Variants in SLC12A8 observed in about 807,000 individuals in gnomAD.
SLC12A8 encodes the protein solute carrier family 12 member 8, also known as cation-chloride cotransporter 9.
Under a neutral mutation model 75.6 loss-of-function variants are expected in SLC12A8, and 69 were observed. The observed-to-expected ratio is 0.91, with a 90% CI of 0.75 to 1.11. SLC12A8 has a LOEUF of 1.11. Among genes scored for constraint, SLC12A8 ranks in the 50% most tolerant of loss-of-function variants. The pLI is 0.00. For synonymous variants in SLC12A8, 365 were observed against 372.8 expected (o/e 0.98, Z 0.24); for missense variants, 877 against 896.7 (o/e 0.98, Z 0.28).
chr3:125,131,827 T>A (rs533295560), intron 6 of SLC12A8, among the ~76,000 whole-genome samples: 2 of 152,202 alleles, frequency 1.3e-5, no homozygotes, highest in African/African-American at 4.8e-5. Context: ...AGATTGGTTC[T>A]GGAGTCGGGG....
intron 10 of SLC12A8, among the ~76,000 whole-genome samples, chr3:125,098,977 A>C (rs1938792115): frequency 1.3e-5 from 2 of 152,216 alleles, no homozygotes; most frequent in South Asian, 4.1e-4. Flanking sequence ...AGCACCATAG[A>C]AAGACTAGAT....
chr3:125,153,078 C>T (rs893568874), intron 5 of SLC12A8, among the ~76,000 whole-genome samples: 1 of 152,188 alleles, frequency 6.6e-6, no homozygotes, highest in Non-Finnish European at 1.5e-5. Context: ...CATTCTCCTG[C>T]AACTCTCATC....
chr3:125,212,499 C>A (rs1560088965), intron 1 of SLC12A8, among the ~76,000 whole-genome samples: 1 of 152,162 alleles, frequency 6.6e-6, no homozygotes, highest in Non-Finnish European at 1.5e-5. Flanking sequence ...CCTTGGCACC[C>A]CACGCAGACG....
intron 6 of SLC12A8, among the ~76,000 whole-genome samples, chr3:125,132,999 G>A (rs534714354): frequency 3.3e-5 from 5 of 152,136 alleles, no homozygotes; most frequent in African/African-American, 4.8e-5. Context: ...AAAAATGCAC[G>A]CTGCATTTAG....
chr3:125,207,171 CG>C (rs893845209), intron 2 of SLC12A8, among the ~76,000 whole-genome samples: 9 of 152,268 alleles, frequency 5.9e-5, no homozygotes, highest in African/African-American at 2.2e-4. Flanking sequence ...ATGGTTCTGA[CG>C]GGGAGCCTGC....
chr3:125,136,838 G>C (rs116292890), intron 5 of SLC12A8, among the ~76,000 whole-genome samples: 1 of 152,334 alleles, frequency 6.6e-6, no homozygotes, highest in African/African-American at 2.4e-5. Flanking sequence ...AACAGCATCT[G>C]TGAACATGCT....
At chr3:125,190,329 T>C (rs756498666) in intron 3 of SLC12A8, 46 bp downstream of exon 3, 14 of 1,605,030 alleles carry the variant, frequency 8.7e-6, no homozygotes, top group Non-Finnish European at 1.2e-5. Context: ...AGAGCTTTCC[T>C]GTCTTGGGCC....
At chr3:125,196,089 T>C (rs537285779) in intron 2 of SLC12A8, among the ~76,000 whole-genome samples, 1 of 152,360 alleles carries the variant, frequency 6.6e-6, no homozygotes, top group African/African-American at 2.4e-5. Flanking sequence ...AATTCTTATG[T>C]AGTGAGTAGA....
chr3:125,209,780 G>A (rs593358), intron 2 of SLC12A8, among the ~76,000 whole-genome samples: 97,729 of 152,198 alleles, frequency 0.64, 33,434 homozygotes, highest in African/African-American at 0.89. Context: ...GCCAAGATGA[G>A]GAGTCTGAGC....
intron 2 of SLC12A8, among the ~76,000 whole-genome samples, chr3:125,210,983 TA>T: frequency 6.7e-6 from 1 of 149,360 alleles, no homozygotes; most frequent in South Asian, 2.2e-4. Context: ...GATTCAGAAT[TA>T]AAATGAGTTC....
intron 6 of SLC12A8, among the ~76,000 whole-genome samples, chr3:125,129,955 T>C (rs900735789): frequency 2.0e-5 from 3 of 152,050 alleles, no homozygotes; most frequent in Admixed American, 2.0e-4. Flanking sequence ...CTCTGTCGGG[T>C]CCTTCATAAG....
At chr3:125,165,189 C>T (rs1036759082) in intron 5 of SLC12A8, among the ~76,000 whole-genome samples, 1 of 152,212 alleles carries the variant, frequency 6.6e-6, no homozygotes, top group Non-Finnish European at 1.5e-5. Context: ...GCATCACCCA[C>T]CCCACCAGCC....
chr3:125,086,032 G>C (rs971594569), intron 13 of SLC12A8, among the ~76,000 whole-genome samples: 27 of 151,802 alleles, frequency 1.8e-4, no homozygotes, highest in Non-Finnish European at 3.2e-4. Flanking sequence ...AGCCTCCTCA[G>C]TACCTGGGAC....
chr3:125,125,293 C>G (rs908759293), intron 6 of SLC12A8, among the ~76,000 whole-genome samples: 2 of 152,142 alleles, frequency 1.3e-5, no homozygotes, highest in Admixed American at 6.5e-5. Context: ...TGGAGTGGCT[C>G]ATGCCTGTAA....
intron 5 of SLC12A8, among the ~76,000 whole-genome samples, chr3:125,176,770 A>G (rs1468644570): frequency 4.1e-5 from 6 of 146,682 alleles, no homozygotes; most frequent in African/African-American, 7.5e-5. Flanking sequence ...CAAAACCACA[A>G]TGAGATACCA....
intron 6 of SLC12A8, among the ~76,000 whole-genome samples, chr3:125,123,110 C>T (rs1933102635): frequency 6.6e-6 from 1 of 151,966 alleles, no homozygotes; most frequent in Non-Finnish European, 1.5e-5. Flanking sequence ...TGTAATGGCT[C>T]ACACCTTTAA....
intron 5 of SLC12A8, among the ~76,000 whole-genome samples, chr3:125,170,648 C>T (rs1416161282): frequency 6.6e-6 from 1 of 152,252 alleles, no homozygotes; most frequent in East Asian, 1.9e-4. Context: ...GGCGTGGTGG[C>T]TCACGCCTGT....
intron 8 of SLC12A8, among the ~76,000 whole-genome samples, chr3:125,112,298 C>T (rs576959193): frequency 2.0e-5 from 3 of 152,160 alleles, no homozygotes; most frequent in South Asian, 2.1e-4. Flanking sequence ...TTTTCAATAT[C>T]GCAGATTTCT....
At chr3:125,140,364 AC>A (rs1412819006) in intron 5 of SLC12A8, among the ~76,000 whole-genome samples, 1 of 152,008 alleles carries the variant, frequency 6.6e-6, no homozygotes, top group Non-Finnish European at 1.5e-5. Flanking sequence ...CCTGTATTTC[AC>A]CCACTGCCTC....
Sources: gnomAD v4.1 joint callset for allele counts (sites outside exome capture counted in the v4.1 genomes callset) on GRCh38, gnomAD v4.1.1 for gene constraint, MANE v1.5 for transcripts, NCBI Gene and HGNC (gene_info 2026-07-23, HGNC 2026-07-21) for gene names.